EPHX2: variants seen among roughly 807,000 people sequenced by gnomAD.
EPHX2 encodes the protein bifunctional epoxide hydrolase 2.
In EPHX2, 74 loss-of-function variants were observed where a neutral mutation model predicts 78.7. That is an observed-to-expected ratio of 0.94 (90% CI 0.78 to 1.14). EPHX2 has a LOEUF of 1.14. EPHX2 is among the 50% of genes most tolerant of loss of function. The pLI is 0.00. For missense variants in EPHX2, 715 were observed against 702.5 expected (o/e 1.02, Z -0.20); for synonymous variants, 251 against 255.2 (o/e 0.98, Z 0.16).
In EPHX2 at chr8:27,520,867, G is replaced by A; in HGVS notation, c.946-16G>A. Reference sequence around the variant, plus strand: ...GTGTGGTTGCTGATTTTGCCTGTGTGTGTCTTCTTCCTTAGGAGATGGTAA... The same window carrying A: ...GTGTGGTTGCTGATTTTGCCTGTGTATGTCTTCTTCCTTAGGAGATGGTAA... On this transcript the variant is annotated splice_polypyrimidine_tract_variant and intron_variant, in intron 9 of 18. Coordinates refer to ENST00000521400, the MANE Select transcript of EPHX2 (RefSeq NM_001979.6). The A allele has an allele frequency of 6.2e-7, 1 of 1,614,212 alleles. No homozygotes were observed. Among genetic ancestry groups the A allele is most frequent in the South Asian group, 1.1e-5 (1 of 91,086 alleles).
At chr8:27,493,694 C>G (rs1813469894) in intron 1 of EPHX2, among the ~76,000 whole-genome samples, 1 of 133,344 alleles carries the variant, frequency 7.5e-6, no homozygotes, top group Non-Finnish European at 1.5e-5. Flanking sequence ...AGGTGCCTGT[C>G]CAGCTGGTGG....
chr8:27,516,919 ATTTTT>A (rs1255634079), intron 8 of EPHX2, among the ~76,000 whole-genome samples: 1 of 131,584 alleles, frequency 7.6e-6, no homozygotes, highest in Admixed American at 7.9e-5. Flanking sequence ...TTTCCTTCCT[ATTTTT>A]TTTTTTTTTT....
intron 12 of EPHX2, among the ~76,000 whole-genome samples, chr8:27,533,120 G>A (rs1405982220): frequency 3.9e-5 from 6 of 151,938 alleles, no homozygotes; most frequent in South Asian, 2.1e-4. Context: ...GTCTCTAAAC[G>A]AATAATAATA....
chr8:27,497,491 T>C (rs1319405435), intron 1 of EPHX2, among the ~76,000 whole-genome samples: 1 of 152,240 alleles, frequency 6.6e-6, no homozygotes, highest in Non-Finnish European at 1.5e-5. Flanking sequence ...GCGGCCTTTC[T>C]CTTATCTCAC....
intron 6 of EPHX2, 160 bp from the exon 7 acceptor site, chr8:27,515,558 A>C: frequency 1.6e-6 from 1 of 615,652 alleles, no homozygotes; most frequent in South Asian, 2.0e-5. Context: ...GCCTCTTCTC[A>C]GCCATTTTCA....
chr8:27,547,825 G>C (rs1815600286), downstream of EPHX2, among the ~76,000 whole-genome samples: 1 of 152,050 alleles, frequency 6.6e-6, no homozygotes, highest in Admixed American at 6.6e-5. Context: ...TCTGTTTCTG[G>C]CTTATTTCAC....
intron 9 of EPHX2, among the ~76,000 whole-genome samples, chr8:27,518,961 T>G (rs910789988): frequency 1.3e-5 from 2 of 152,234 alleles, no homozygotes; most frequent in African/African-American, 4.8e-5. Flanking sequence ...TGGACCTTGC[T>G]TATTTCCATC....
At chr8:27,504,395 G>T (rs756818759) in intron 3 of EPHX2, among the ~76,000 whole-genome samples, 1 of 152,096 alleles carries the variant, frequency 6.6e-6, no homozygotes, top group Non-Finnish European at 1.5e-5. Flanking sequence ...TCTCACCCTC[G>T]CTGGTTAGGC....
At chr8:27,536,620 A>T (rs770509437) in intron 12 of EPHX2, among the ~76,000 whole-genome samples, 164 bp from the exon 13 acceptor site, 1 of 152,190 alleles carries the variant, frequency 6.6e-6, no homozygotes, top group Admixed American at 6.5e-5. Context: ...TAACCTTTTT[A>T]AAAGACATGT....
At chr8:27,514,494 G>A (rs72475835) in intron 6 of EPHX2, among the ~76,000 whole-genome samples, 201 of 152,318 alleles carry the variant, frequency 1.3e-3, no homozygotes, top group Non-Finnish European at 2.3e-3. Context: ...TGGTTCATTT[G>A]GCTGGACCCC....
intron 15 of EPHX2, among the ~76,000 whole-genome samples, chr8:27,540,958 T>G (rs950327383): frequency 6.6e-6 from 1 of 152,184 alleles, no homozygotes; most frequent in South Asian, 2.1e-4. Context: ...TCTGGGCTCT[T>G]TCTTCAGAAA....
At chr8:27,517,825 A>G (rs1426782872) in intron 8 of EPHX2, among the ~76,000 whole-genome samples, 6 of 152,240 alleles carry the variant, frequency 3.9e-5, no homozygotes, top group Admixed American at 2.6e-4. Context: ...GGTCTTGGCA[A>G]TGATTTCACA....
At chr8:27,493,195 A>G (rs1272855233) in intron 1 of EPHX2, 1 of 153,592 alleles carries the variant, frequency 6.5e-6, no homozygotes, top group East Asian at 1.9e-4. Flanking sequence ...CTGTCACGGG[A>G]CCTAGAAAGG....
chr8:27,517,968 G>A, intron 8 of EPHX2, 70 bp from the exon 9 acceptor site: 1 of 1,266,938 alleles, frequency 7.9e-7, no homozygotes, highest in Non-Finnish European at 1.1e-6. Flanking sequence ...TTTGCAAAAA[G>A]GTCCTTTTGA....
At chr8:27,492,521 TTCGCAGTGAGTGTTACAC>T (rs765815188) in intron 1 of EPHX2, among the ~76,000 whole-genome samples, 63 of 152,270 alleles carry the variant, frequency 4.1e-4, no homozygotes, top group Non-Finnish European at 6.9e-4. Context: ...GCTGTGGACC[TTCGCAGTGAGTGTTACAC>T]TCGTAAAGAT....
At chr8:27,511,811 C>G in intron 5 of EPHX2, 25 bp from the exon 6 acceptor site, 3 of 1,612,822 alleles carry the variant, frequency 1.9e-6, no homozygotes, top group Non-Finnish European at 1.7e-6. Context: ...TGCTGTCTCT[C>G]TCACTATACC....
chr8:27,505,619 A>G (rs4149239), intron 4 of EPHX2, among the ~76,000 whole-genome samples: 37,739 of 152,086 alleles, frequency 0.25, 6,262 homozygotes, highest in African/African-American at 0.48. Flanking sequence ...ACTTTAATCT[A>G]CAAAAGGTGA....
At chr8:27,501,327 CTT>C (rs1813764846) in intron 2 of EPHX2, among the ~76,000 whole-genome samples, 5 of 32,874 alleles carry the variant, frequency 1.5e-4, no homozygotes, top group African/African-American at 9.1e-4. Flanking sequence ...TATATATTTT[CTT>C]CTTCTTCTTC....
chr8:27,525,845 A>G (rs191547772), intron 12 of EPHX2, among the ~76,000 whole-genome samples: 373 of 152,292 alleles, frequency 2.4e-3, no homozygotes, highest in South Asian at 0.013. Flanking sequence ...AACAGGCCCC[A>G]CATGTGCTCT....
Sources: gnomAD v4.1 joint callset for allele counts (sites outside exome capture counted in the v4.1 genomes callset) on GRCh38, gnomAD v4.1.1 for gene constraint, MANE v1.5 for transcripts, NCBI Gene and HGNC (gene_info 2026-07-23, HGNC 2026-07-21) for gene names.